The following DGKB variants were observed in gnomAD, a reference collection of about 807,000 sequenced individuals.
DGKB encodes 90 kDa diacylglycerol kinase.
Under a neutral mutation model 114.3 loss-of-function variants are expected in DGKB, and 67 were observed. The observed-to-expected ratio is 0.59, with a 90% confidence interval of 0.48 to 0.72. The LOEUF is 0.72. Ranked by LOEUF, DGKB falls within the 30% of genes least tolerant of loss-of-function variation. The pLI, the probability that DGKB is intolerant of heterozygous loss-of-function variation, is 0.00. For synonymous variants in DGKB, 398 were observed against 323.1 expected (o/e 1.23, Z -2.49); for missense variants, 907 against 975.2 (o/e 0.93, Z 0.93).
intron 23 of DGKB, among the ~76,000 whole-genome samples, chr7:14,319,159 G>A (rs1414977630): frequency 7.8e-6 from 1 of 127,964 alleles, no homozygotes; most frequent in Non-Finnish European, 1.6e-5. Flanking sequence ...AGGGGGGAGG[G>A]ATAGCATTAG....
intron 13 of DGKB, among the ~76,000 whole-genome samples, chr7:14,646,081 G>A (rs1812938167): frequency 6.6e-6 from 1 of 152,060 alleles, no homozygotes; most frequent in South Asian, 2.1e-4. Context: ...TTGGCTGAAT[G>A]GATTAAAAAA....
intron 23 of DGKB, among the ~76,000 whole-genome samples, chr7:14,194,170 A>C (rs954394339): frequency 3.9e-5 from 6 of 152,154 alleles, no homozygotes; most frequent in African/African-American, 1.4e-4. Context: ...AATAGAATTA[A>C]CATGTGATCT....
intron 2 of DGKB, among the ~76,000 whole-genome samples, chr7:14,794,131 C>A (rs987763963): frequency 2.0e-5 from 3 of 152,108 alleles, no homozygotes; most frequent in Non-Finnish European, 2.9e-5. Context: ...GTAAATCATT[C>A]TTCACAATAA....
chr7:14,618,085 A>T (rs1481386384), intron 15 of DGKB, among the ~76,000 whole-genome samples: 1 of 151,278 alleles, frequency 6.6e-6, no homozygotes, highest in Non-Finnish European at 1.5e-5. Flanking sequence ...GAAACAGTCA[A>T]CAGGGTTAAG....
At chr7:14,393,517 A>T (rs78419353) in intron 21 of DGKB, among the ~76,000 whole-genome samples, 4 of 152,148 alleles carry the variant, frequency 2.6e-5, no homozygotes, top group Admixed American at 6.5e-5. Flanking sequence ...CTACATAAAT[A>T]TCTTTAATTT....
chr7:14,682,786 G>C lies in DGKB; in HGVS notation c.885C>G (p.Ile295Met). ...TCCTTTTGGACTTCACATAGGTCTT[G>C]ATGCAAGAGGGAGGTGCTCGAGCCA... ...RCVARAPPSCIKTYVKSKRNT... is the reference protein window; with the variant it reads ...RCVARAPPSCMKTYVKSKRNT... The change falls in exon 11 of 26, where the codon ATC becomes ATG. Residue 295 changes from isoleucine to methionine, a missense_variant. By Grantham distance (10) the Ile-to-Met change is conservative. Transcript: ENST00000402815. The C allele has an allele frequency of 6.2e-7, 1 of 1,609,744 alleles. No homozygotes were observed. The highest frequency in any genetic ancestry group is 8.5e-7 in the Non-Finnish European group (1 of 1,177,666).
chr7:14,279,525 C>G (rs1447576397), intron 23 of DGKB, among the ~76,000 whole-genome samples: 1 of 152,210 alleles, frequency 6.6e-6, no homozygotes, highest in African/African-American at 2.4e-5. Flanking sequence ...CAGTACGCAG[C>G]TGGAGATGAA....
chr7:14,440,404 G>A (rs1829921013), intron 21 of DGKB, among the ~76,000 whole-genome samples: 1 of 152,076 alleles, frequency 6.6e-6, no homozygotes, highest in South Asian at 2.1e-4. Flanking sequence ...GTGATATACT[G>A]AGTTGATCAC....
At position 14,176,901 on chromosome 7, in the gene DGKB, TG is replaced by T. The variant is rs754394741; in HGVS notation, c.2244-3del. ...TGCATTGGCAGAGACTTGCTCGTCC[TG>T]GGGGAAAATATTTCATTGTAAGTAT... On this transcript the variant is annotated splice_region_variant and splice_polypyrimidine_tract_variant and intron_variant, in intron 24 of 25. Coordinates refer to ENST00000402815, the MANE Select transcript of DGKB (RefSeq NM_001350709.2). 31 of 1,613,284 alleles carry T rather than the reference TG, an allele frequency of 1.9e-5. No homozygotes were observed. Among genetic ancestry groups the T allele is most frequent in the East Asian group, 1.3e-4 (6 of 44,846 alleles).
At chr7:14,324,197 C>T (rs957967637) in intron 23 of DGKB, among the ~76,000 whole-genome samples, 3 of 151,948 alleles carry the variant, frequency 2.0e-5, no homozygotes, top group Non-Finnish European at 4.4e-5. Context: ...GCCTGTAATC[C>T]CAGCACTTTG....
At chr7:14,550,261 T>C (rs1278234772) in intron 20 of DGKB, among the ~76,000 whole-genome samples, 2 of 152,008 alleles carry the variant, frequency 1.3e-5, no homozygotes, top group East Asian at 3.9e-4. Flanking sequence ...CTAAAATACT[T>C]ATTTACTAAG....
chr7:14,930,480 G>A (rs1022980603), intron 1 of DGKB, among the ~76,000 whole-genome samples: 8 of 152,186 alleles, frequency 5.3e-5, no homozygotes, highest in African/African-American at 1.2e-4. Context: ...TATTGTAAAT[G>A]GGATTGCCTT....
At chr7:14,444,388 C>T (rs571214933) in intron 21 of DGKB, among the ~76,000 whole-genome samples, 1 of 151,660 alleles carries the variant, frequency 6.6e-6, no homozygotes, top group African/African-American at 2.4e-5. Flanking sequence ...ATAGCAATAT[C>T]CTGTATGACA....
At chr7:14,284,768 A>AG (rs1800569282) in intron 23 of DGKB, among the ~76,000 whole-genome samples, 1 of 151,082 alleles carries the variant, frequency 6.6e-6, no homozygotes, top group Middle Eastern at 3.4e-3. Context: ...AGAACAAAAA[A>AG]CCAAACACTG....
chr7:14,173,136 G>A (rs1258345219), intron 25 of DGKB, among the ~76,000 whole-genome samples: 1 of 152,112 alleles, frequency 6.6e-6, no homozygotes. Flanking sequence ...AATGAATACA[G>A]GAGCACTTAA....
rs915894266 is a variant in DGKB, at chr7:14,749,367, G to A, written c.168+4561C>T. On this transcript the variant is annotated intron_variant, in intron 4 of 25. Transcript: ENST00000402815. ...AATTTTAATTTTTAAATTAGTTTTG[G>A]CAAATGAAAACTATTTTAGCACTTC... Among the ~76,000 whole-genome samples, 3 of 151,972 alleles carry A rather than the reference G, an allele frequency of 2.0e-5. No homozygotes were observed. The East Asian group carries it at 5.8e-4, about 29-fold the overall frequency.
chr7:14,871,409 T>C (rs544369677), intron 1 of DGKB, among the ~76,000 whole-genome samples: 1 of 152,146 alleles, frequency 6.6e-6, no homozygotes, highest in Non-Finnish European at 1.5e-5. Context: ...AAAGGGGAGA[T>C]GCTGGTCAAA....
intron 16 of DGKB, among the ~76,000 whole-genome samples, chr7:14,607,780 T>G (rs1246001614): frequency 6.6e-6 from 1 of 152,018 alleles, no homozygotes; most frequent in Non-Finnish European, 1.5e-5. Flanking sequence ...GCACATACAT[T>G]TAGGATATTC....
chr7:14,224,761 CAA>C (rs1790519636), intron 23 of DGKB, among the ~76,000 whole-genome samples: 1 of 152,004 alleles, frequency 6.6e-6, no homozygotes, highest in Non-Finnish European at 1.5e-5. Flanking sequence ...TAAGGGAATA[CAA>C]CCTTGGCTAT....
Sources: gnomAD v4.1 joint callset for allele counts (sites outside exome capture counted in the v4.1 genomes callset) on GRCh38, gnomAD v4.1.1 for gene constraint, MANE v1.5 for transcripts, NCBI Gene and HGNC (gene_info 2026-07-23, HGNC 2026-07-21) for gene names.